EPM2A: variants seen among roughly 807,000 people sequenced by gnomAD.
The protein encoded by EPM2A is EPM2A glucan phosphatase, laforin.
EPM2A carries 21 observed loss-of-function variants against 26.5 expected under a neutral mutation model. That is an observed-to-expected ratio of 0.79 (90% CI 0.56 to 1.14). EPM2A has a LOEUF of 1.14. Among genes scored for constraint, EPM2A ranks in the 50% most tolerant of loss-of-function variants. The probability of loss-of-function intolerance (pLI) is 0.00; values close to 1 mark genes in which losing one functional copy is unlikely to be tolerated. For synonymous variants in EPM2A, 217 were observed against 177.6 expected (o/e 1.22, Z -1.76); for missense variants, 458 against 440.8 (o/e 1.04, Z -0.35).
intron 4 of EPM2A, among the ~76,000 whole-genome samples, chr6:145,432,209 G>T (rs1778931506): frequency 6.6e-6 from 1 of 152,070 alleles, no homozygotes; most frequent in Non-Finnish European, 1.5e-5. Flanking sequence ...TGTTAGTGTT[G>T]ATATTTTGAC....
intron 4 of EPM2A, among the ~76,000 whole-genome samples, chr6:145,416,209 A>G (rs1000310159): frequency 1.9e-4 from 29 of 151,484 alleles, no homozygotes; most frequent in African/African-American, 6.8e-4. Flanking sequence ...TTAGGATACA[A>G]TATTCCCAGT....
intron 4 of EPM2A, among the ~76,000 whole-genome samples, chr6:145,448,211 T>C (rs74387836): frequency 1.3e-5 from 2 of 152,130 alleles, no homozygotes; most frequent in Non-Finnish European, 1.5e-5. Flanking sequence ...TTATTAAAAA[T>C]GTGTAAAATG....
At chr6:145,498,340 A>AC (rs1269200046), downstream of EPM2A, among the ~76,000 whole-genome samples, 1 of 152,030 alleles carries the variant, frequency 6.6e-6, no homozygotes, top group Non-Finnish European at 1.5e-5. Flanking sequence ...CCTGGATTCC[A>AC]CCCCCTTCCT....
At chr6:145,685,667 T>C in intron 2 of EPM2A, among the ~76,000 whole-genome samples, 1 of 152,168 alleles carries the variant, frequency 6.6e-6, no homozygotes, top group Admixed American at 6.5e-5. Context: ...AATCAAAATA[T>C]TAACAAATAA....
chr6:145,680,896 G>T (rs1025781261), intron 2 of EPM2A, among the ~76,000 whole-genome samples: 2 of 151,250 alleles, frequency 1.3e-5, no homozygotes, highest in Non-Finnish European at 2.9e-5. Context: ...TAGTCCTTTG[G>T]GTATATACCC....
chr6:145,718,297 G>C (rs6935783), intron 1 of EPM2A, among the ~76,000 whole-genome samples: 82,206 of 133,974 alleles, frequency 0.61, 25,939 homozygotes, highest in African/African-American at 0.72. Flanking sequence ...CAGAACAGAG[G>C]CCTCAGAAAT....
intron 2 of EPM2A, among the ~76,000 whole-genome samples, chr6:145,610,060 C>A (rs893188989): frequency 2.0e-5 from 3 of 151,944 alleles, no homozygotes; most frequent in Admixed American, 6.5e-5. Context: ...ACTAAAAATA[C>A]AAAAATTAGC....
chr6:145,717,601 T>C (rs917448068), intron 1 of EPM2A, among the ~76,000 whole-genome samples: 1 of 152,182 alleles, frequency 6.6e-6, no homozygotes, highest in Non-Finnish European at 1.5e-5. Context: ...CAACATAGTG[T>C]TGGAAGTTCT....
chr6:145,528,896 T>C (rs1231999083), intron 2 of EPM2A, among the ~76,000 whole-genome samples: 1 of 152,022 alleles, frequency 6.6e-6, no homozygotes, highest in Non-Finnish European at 1.5e-5. Context: ...TCATGATACA[T>C]GGAGAGGAGG....
intron 2 of EPM2A, among the ~76,000 whole-genome samples, chr6:145,606,329 A>G (rs1775258406): frequency 1.3e-5 from 2 of 152,034 alleles, no homozygotes; most frequent in Non-Finnish European, 1.5e-5. Flanking sequence ...TTCTTAACAT[A>G]TAGGAAAATT....
chr6:145,533,130 T>C (rs899113984), intron 2 of EPM2A, among the ~76,000 whole-genome samples: 9 of 152,090 alleles, frequency 5.9e-5, no homozygotes, highest in Non-Finnish European at 1.3e-4. Flanking sequence ...AACAAAAAAA[T>C]ACCTGTTTCT....
At chr6:145,681,870 T>C (rs1780561939) in intron 2 of EPM2A, among the ~76,000 whole-genome samples, 1 of 152,168 alleles carries the variant, frequency 6.6e-6, no homozygotes, top group African/African-American at 2.4e-5. Context: ...GGTTGCCATA[T>C]GTCCTAGCAT....
chr6:145,495,742 A>G (rs973077711), intron 4 of EPM2A, among the ~76,000 whole-genome samples: 1 of 151,872 alleles, frequency 6.6e-6, no homozygotes, highest in African/African-American at 2.4e-5. Flanking sequence ...ACACCTGGCT[A>G]ATTTTTGTAT....
At chr6:145,571,692 C>T (rs575717476) in intron 2 of EPM2A, among the ~76,000 whole-genome samples, 1 of 152,332 alleles carries the variant, frequency 6.6e-6, no homozygotes, top group Non-Finnish European at 1.5e-5. Flanking sequence ...GGGCACTCAG[C>T]AGTGGCCGTA....
intron 2 of EPM2A, among the ~76,000 whole-genome samples, chr6:145,567,864 C>A (rs1238720186): frequency 4.6e-5 from 7 of 152,164 alleles, no homozygotes; most frequent in Non-Finnish European, 7.4e-5. Flanking sequence ...TTGTGCAGTG[C>A]CTAGAATAAG....
chr6:145,489,087 C>A (rs768704324), intron 4 of EPM2A, among the ~76,000 whole-genome samples: 1 of 152,122 alleles, frequency 6.6e-6, no homozygotes, highest in Non-Finnish European at 1.5e-5. Flanking sequence ...GCCACCACCC[C>A]TCTCTCTGTT....
intron 2 of EPM2A, among the ~76,000 whole-genome samples, chr6:145,567,027 G>C (rs1280238503): frequency 6.6e-6 from 1 of 152,170 alleles, no homozygotes; most frequent in Non-Finnish European, 1.5e-5. Context: ...TCATTTATGA[G>C]TTAACACTCT....
intron 4 of EPM2A, among the ~76,000 whole-genome samples, chr6:145,465,561 C>G: frequency 6.6e-6 from 1 of 151,090 alleles, no homozygotes. Context: ...TTTAGAGTTT[C>G]CAGTTTTTCT....
chr6:145,388,128 G>T (rs887698086), intron 4 of EPM2A, among the ~76,000 whole-genome samples: 1 of 152,150 alleles, frequency 6.6e-6, no homozygotes, highest in African/African-American at 2.4e-5. Flanking sequence ...AAGATGGCAG[G>T]AGGTTCATGG....
Sources: allele counts gnomAD v4.1 joint callset (sites outside exome capture counted in the v4.1 genomes callset), GRCh38; gene constraint gnomAD v4.1.1; transcripts MANE v1.5; gene names NCBI Gene and HGNC (gene_info 2026-07-23, HGNC 2026-07-21).